The following LARP1 variants were observed in gnomAD, a reference collection of about 807,000 sequenced individuals.
LARP1 encodes the protein la-related protein 1.
LARP1 carries 36 observed loss-of-function variants against 122.7 expected under a neutral mutation model. That is an observed-to-expected ratio of 0.29 (90% CI 0.22 to 0.39). LARP1 has a LOEUF of 0.39. LARP1 is among the 10% of genes least tolerant of loss of function. LARP1 has a pLI of 1.00. For synonymous variants in LARP1, 539 were observed against 528.7 expected, an observed-to-expected ratio of 1.02 and a Z score of -0.27; for missense variants, 1,040 against 1,403.6, an observed-to-expected ratio of 0.74 and a Z score of 4.14.
chr5:154,793,801 G>A lies in LARP1; in HGVS notation c.870G>A (p.Gly290=). 1.2e-6 allele frequency: 2 copies of A among 1,614,168 alleles called. No homozygotes were observed. The highest frequency in any genetic ancestry group is 1.7e-6 in the Non-Finnish European group (2 of 1,180,016). ...HIPANRGEIK[G]SESATYVPVA... The stretch of plus-strand genomic sequence containing the variant: ...GACCTGGTACCCCTCTCCCCATAGG[G>A]TCTGAGTCTGCCACCTACGTGCCCG... Residue 290 remains glycine, a splice_region_variant and synonymous_variant, in exon 6 of 19, where the codon GGG becomes GGA. Transcript: ENST00000518297.
chr5:154,735,702 G>A (rs1756851954), intron 1 of LARP1, among the ~76,000 whole-genome samples: 1 of 151,508 alleles, frequency 6.6e-6, no homozygotes, highest in Non-Finnish European at 1.5e-5. Flanking sequence ...CTGAGTAGCT[G>A]GGATTACAGG....
intron 1 of LARP1, among the ~76,000 whole-genome samples, chr5:154,727,283 C>T (rs1033097765): frequency 3.3e-5 from 5 of 152,020 alleles, no homozygotes; most frequent in Non-Finnish European, 5.9e-5. Flanking sequence ...AACAGAACTA[C>T]GTAACTAGGG....
At position 154,802,983 on chromosome 5, in the gene LARP1, T is replaced by TG. The variant is rs1758464409; in HGVS notation, c.2110-303dup. ...GATAAGGCAGTAGCAGAAAGAGAGA[T>TG]GGGGAAACACTGGAGCTTTCAGGGG... On this transcript the variant is annotated intron_variant, in intron 11 of 18. Transcript: ENST00000518297. This position sits in a 1 kb window ranked among gnomAD's most constrained non-coding sequence, Gnocchi z 5.1. 6.6e-6 allele frequency among the ~76,000 whole-genome samples: 1 copy of TG among 151,964 alleles called. No individual in the cohort carries two copies. Among genetic ancestry groups the TG allele is most frequent in the South Asian group, 2.1e-4 (1 of 4,808 alleles).
chr5:154,814,045 A>G lies in LARP1; in HGVS notation c.3240A>G (p.Glu1080=). The change falls in exon 19 of 19, where the codon GAA becomes GAG. Residue 1080 remains glutamate, a synonymous_variant. Coordinates refer to ENST00000518297, the MANE Select transcript of LARP1 (RefSeq NM_033551.3). ...CACCCACCGGCCAGCCTGTCCGGGA[A>G]GATGCCAAATGGACAAGCCAGCACT... ...PTPPTGQPVR[E]DAKWTSQHSN... The G allele has an allele frequency of 6.2e-7, 1 of 1,614,134 alleles. No individual in the cohort carries two copies. The highest frequency in any genetic ancestry group is 8.5e-7 in the Non-Finnish European group (1 of 1,180,006).
intron 1 of LARP1, among the ~76,000 whole-genome samples, chr5:154,720,117 G>A (rs1437900185): frequency 1.5e-4 from 23 of 152,222 alleles, no homozygotes. Context: ...CTTGAACCTG[G>A]AAGGCGGAGG....
rs748853573 is a variant in LARP1, at chr5:154,744,616, ATTTTTTTTTTTTTTTTTTTT to A, written c.205+31506_205+31525del. ...CAGGGGAAAGGGCATTGGATATGCA[ATTTTTTTTTTTTTTTTTTTT>A]TTTTTTTTTTTTTTTTTTTGAGACG... On this transcript the variant is annotated intron_variant, in intron 1 of 18. Coordinates refer to the LARP1 transcript ENST00000336314. 9.3e-4 allele frequency among the ~76,000 whole-genome samples: 67 copies of A among 71,992 alleles called. 2 individuals carry two copies. The South Asian group carries it at 0.012, about 13-fold the overall frequency. The allele number at this position is 71,992 out of a possible 152,430, so 47.2% of individuals were successfully genotyped here. A position where few individuals can be genotyped will look rare whatever the true frequency, so the allele number is the denominator to read the frequency against.
chr5:154,790,397 A>G lies in LARP1; in HGVS notation c.498+11A>G. On this transcript the variant is annotated intron_variant, in intron 2 of 18. Transcript: ENST00000518297. The stretch of plus-strand genomic sequence containing the variant: ...CGCAAAGGCAGCAAGGTAAAGAATA[A>G]CAGTGGGCAACCCAAGGGGACTTTC... The G allele has an allele frequency of 6.2e-7, 1 of 1,612,100 alleles. No homozygotes were observed. The highest frequency in any genetic ancestry group is 8.5e-7 in the Non-Finnish European group (1 of 1,178,654).
intron 1 of LARP1, among the ~76,000 whole-genome samples, chr5:154,695,656 C>G (rs1754435876): frequency 6.6e-6 from 1 of 151,320 alleles, no homozygotes; most frequent in South Asian, 2.1e-4. Flanking sequence ...GGCTCCGTCT[C>G]AAAAAAAAGA....
At position 154,794,025 on chromosome 5, in the gene LARP1, G is replaced by GGGA. The variant is rs776358945; in HGVS notation, c.1069+26_1069+28dup. The GGGA allele has an allele frequency of 6.8e-6, 11 of 1,607,956 alleles. No individual in the cohort carries two copies. In the Admixed American group the frequency reaches 1.8e-4, roughly 27 times the overall value. Reference sequence around the variant, plus strand: ...AGTACGTGAGGCCCCTTTGGGCTCCGGGATGTCCAAGGGTGTGCAGCAGGG... The same window carrying GGGA: ...AGTACGTGAGGCCCCTTTGGGCTCCGGGAGGATGTCCAAGGGTGTGCAGCAGGG... On this transcript the variant is annotated intron_variant, in intron 6 of 18. Coordinates refer to ENST00000518297, the MANE Select transcript of LARP1 (RefSeq NM_033551.3).
intron 1 of LARP1, among the ~76,000 whole-genome samples, chr5:154,785,336 A>G (rs183904168): frequency 6.6e-6 from 1 of 152,308 alleles, no homozygotes; most frequent in African/African-American, 2.4e-5. Context: ...TTTTTCCCGT[A>G]CATTCTGATT....
At chr5:154,719,909 T>A (rs945691393) in intron 1 of LARP1, among the ~76,000 whole-genome samples, 2 of 150,562 alleles carry the variant, frequency 1.3e-5, no homozygotes, top group Non-Finnish European at 2.9e-5. Flanking sequence ...AAAGTAACAC[T>A]GGCCGGGCAT....
intron 1 of LARP1, among the ~76,000 whole-genome samples, chr5:154,758,896 G>C (rs1754225791): frequency 6.6e-6 from 1 of 152,104 alleles, no homozygotes; most frequent in Admixed American, 6.5e-5. Context: ...TCTTACATTT[G>C]TAGTTTTAAG....
chr5:154,703,406 T>C (rs1754812492), intron 1 of LARP1, among the ~76,000 whole-genome samples: 2 of 152,126 alleles, frequency 1.3e-5, no homozygotes, highest in Non-Finnish European at 2.9e-5. Flanking sequence ...TGGGGCCCCT[T>C]TGCCATCTGC....
upstream of LARP1, among the ~76,000 whole-genome samples, chr5:154,711,340 C>G (rs1229441478): frequency 6.6e-6 from 1 of 152,088 alleles, no homozygotes; most frequent in African/African-American, 2.4e-5. Context: ...CGGGGTTTCA[C>G]TATGTTGGTC....
intron 8 of LARP1, among the ~76,000 whole-genome samples, chr5:154,797,576 G>T (rs1344046111): frequency 6.6e-6 from 1 of 151,612 alleles, no homozygotes; most frequent in Non-Finnish European, 1.5e-5. Context: ...TAGACTTGTG[G>T]ATCTTTTATT....
At chr5:154,790,584 G>A (rs981179626) in intron 2 of LARP1, 61 bp from the exon 3 acceptor site, 8 of 1,570,084 alleles carry the variant, frequency 5.1e-6, no homozygotes, top group South Asian at 3.3e-5. Flanking sequence ...AGCTTGGGTC[G>A]GGGGCTGAAT....
chr5:154,786,590 C>A, intron 1 of LARP1: 1 of 419,978 alleles, frequency 2.4e-6, no homozygotes, highest in Admixed American at 2.7e-5. Flanking sequence ...AGATAAGCTG[C>A]TGGGCCCAGT....
chr5:154,691,650 C>G (rs907419051), intron 1 of LARP1, among the ~76,000 whole-genome samples: 1 of 152,210 alleles, frequency 6.6e-6, no homozygotes, highest in Non-Finnish European at 1.5e-5. Flanking sequence ...GAGGATCTTG[C>G]ATTCCTCCCT....
At chr5:154,772,680 T>TA (rs1476437491) in intron 1 of LARP1, among the ~76,000 whole-genome samples, 3 of 152,208 alleles carry the variant, frequency 2.0e-5, no homozygotes, top group African/African-American at 7.2e-5. Flanking sequence ...CTTCTCAAAA[T>TA]ATCTTTTGTT....
Sources: allele counts gnomAD v4.1 joint callset (sites outside exome capture counted in the v4.1 genomes callset), GRCh38; gene constraint gnomAD v4.1.1; non-coding constraint Gnocchi (gnomAD v3.1); transcripts MANE v1.5; gene names NCBI Gene and HGNC (gene_info 2026-07-23, HGNC 2026-07-21).